The following KDM3A variants were observed in gnomAD, a reference collection of about 807,000 sequenced individuals.
KDM3A encodes lysine demethylase 3A.
Under a neutral mutation model 158.0 loss-of-function variants are expected in KDM3A, and 60 were observed. That is an observed-to-expected ratio of 0.38 (90% CI 0.31 to 0.47). The LOEUF (loss-of-function observed/expected upper bound fraction) is 0.47, where lower values mean the gene tolerates loss of function less well. Among genes scored for constraint, KDM3A ranks in the 20% least tolerant of loss-of-function variants. The pLI is 0.99. For synonymous variants in KDM3A, 608 were observed against 549.3 expected (o/e 1.11, Z -1.49); for missense variants, 1,319 against 1,574.3 (o/e 0.84, Z 2.74).
intron 2 of KDM3A, chr2:86,443,350 T>C (rs1315731394): frequency 6.6e-6 from 1 of 152,260 alleles, no homozygotes; most frequent in Non-Finnish European, 1.5e-5. Context: ...GGTGACAGTG[T>C]ATGCCCAAAC....
intron 16 of KDM3A, 25 bp from the exon 17 acceptor site, chr2:86,481,905 T>C: frequency 6.3e-7 from 1 of 1,580,576 alleles, no homozygotes; most frequent in Non-Finnish European, 8.7e-7. Context: ...TGTTTTTTCA[T>C]CTGGATGTTT....
At chr2:86,478,919 C>T in intron 15 of KDM3A, 184 bp downstream of exon 15, 1 of 568,258 alleles carries the variant, frequency 1.8e-6, no homozygotes, top group East Asian at 3.1e-5. Context: ...TGACTTTTCA[C>T]ATTACTTTCG....
In KDM3A at chr2:86,481,617, A is replaced by G. The variant is rs1204097652; in HGVS notation, c.2513-313A>G. 5.3e-5 allele frequency among the ~76,000 whole-genome samples: 8 copies of G among 152,284 alleles called. No homozygotes were observed. The East Asian group carries it at 1.5e-3, about 29-fold the overall frequency. On this transcript the variant is annotated intron_variant, in intron 16 of 25. Transcript: ENST00000312912. The stretch of plus-strand genomic sequence containing the variant: ...GTGCATTCAGGGAAAAAAAATGTGT[A>G]AAGAGAATGCTGCCAATATTTGTAG...
chr2:86,450,246 A>C (rs1672386789), intron 3 of KDM3A, among the ~76,000 whole-genome samples: 1 of 152,236 alleles, frequency 6.6e-6, no homozygotes. Context: ...TGGCCCTTGC[A>C]GTACTTTCAA....
intron 4 of KDM3A, among the ~76,000 whole-genome samples, chr2:86,454,329 A>G (rs1672597195): frequency 6.6e-6 from 1 of 152,168 alleles, no homozygotes; most frequent in Admixed American, 6.5e-5. Flanking sequence ...TAAAATTGCC[A>G]TCATGGGTGC....
chr2:86,451,012 C>A, intron 3 of KDM3A, 91 bp from the exon 4 acceptor site: 1 of 736,352 alleles, frequency 1.4e-6, no homozygotes, highest in South Asian at 2.1e-5. Context: ...GTGGCTTTAT[C>A]ACTTTCTCTG....
chr2:86,488,876 A>T (rs79969076), intron 21 of KDM3A: 1,778 of 159,810 alleles, frequency 0.011, 33 homozygotes, highest in African/African-American at 0.041. Flanking sequence ...GAACCAAGGA[A>T]TGCGTTGGGC....
At chr2:86,470,474 CT>C (rs1673354043) in intron 11 of KDM3A, 66 bp downstream of exon 11, 1 of 1,312,318 alleles carries the variant, frequency 7.6e-7, no homozygotes, top group Admixed American at 1.8e-5. Flanking sequence ...ATCTGGCATA[CT>C]TTTGTTACTC....
intron 8 of KDM3A, among the ~76,000 whole-genome samples, chr2:86,457,537 T>A (rs907833815): frequency 6.6e-6 from 1 of 152,178 alleles, no homozygotes; most frequent in Non-Finnish European, 1.5e-5. Flanking sequence ...GGAGATAATA[T>A]AAGTTTATGG....
Position 86,491,008 on chromosome 2 carries a change from T to C in KDM3A, c.3701T>C (p.Val1234Ala), listed in dbSNP as rs140420657. 67 of 1,614,072 alleles carry C rather than the reference T, an allele frequency of 4.2e-5. 1 individual carries two copies. In the Admixed American group the frequency reaches 9.5e-4, roughly 23 times the overall value. ...QEYGVQGWAI[V>A]QFLGDVVFIP... ...TATGGAGTTCAAGGCTGGGCTATTG[T>C]ACAGTTTCTTGGGGATGTGGTGTTT... is the stretch of plus-strand genomic sequence containing the variant. Residue 1234 changes from valine (V) to alanine (A), a missense_variant, in exon 24 of 26, where the codon GTA (valine) becomes GCA (alanine). Val to Ala is a moderately conservative substitution (Grantham distance 64). Coordinates refer to ENST00000312912, the MANE Select transcript of KDM3A (RefSeq NM_018433.6).
chr2:86,458,869 T>C (rs890329306), intron 8 of KDM3A, among the ~76,000 whole-genome samples: 17 of 151,938 alleles, frequency 1.1e-4, no homozygotes, highest in African/African-American at 2.4e-5. Context: ...CTGTAGATGA[T>C]GGATGAGGGA....
intron 16 of KDM3A, among the ~76,000 whole-genome samples, chr2:86,481,234 T>C (rs891694338): frequency 6.6e-6 from 1 of 152,206 alleles, no homozygotes; most frequent in African/African-American, 2.4e-5. Flanking sequence ...AGTCGTTGAA[T>C]TTTTTTAAAA....
At position 86,457,091 on chromosome 2, in the gene KDM3A, C is replaced by G; in HGVS notation, c.843+20C>G. 1 of 1,334,366 alleles carries G rather than the reference C, an allele frequency of 7.5e-7. No homozygotes were observed. Among genetic ancestry groups the G allele is most frequent in the Non-Finnish European group, 1.0e-6 (1 of 968,006 alleles). 82.7% of individuals were successfully genotyped at this position (1,334,366 alleles called of 1,614,324 possible). On this transcript the variant is annotated intron_variant, in intron 8 of 25. Transcript: ENST00000312912. ...TCTGAGGTAACCTTTATTTATGTCACTTGTGTAAAGCTTTCCTTAACTCCA... is the reference window on the plus strand; with the variant it reads ...TCTGAGGTAACCTTTATTTATGTCAGTTGTGTAAAGCTTTCCTTAACTCCA...
Position 86,466,660 on chromosome 2 carries a change from T to A in KDM3A, c.1296T>A (p.Asn432Lys). 1.2e-6 allele frequency: 2 copies of A among 1,613,944 alleles called. No homozygotes were observed. Among genetic ancestry groups the A allele is most frequent in the Non-Finnish European group, 1.7e-6 (2 of 1,179,864 alleles). The change falls in exon 10 of 26, where the codon AAT becomes AAA. Residue 432 changes from asparagine to lysine, a missense_variant. Coordinates refer to ENST00000312912, the MANE Select transcript of KDM3A (RefSeq NM_018433.6). Reference protein sequence around the residue: ...ASSKAELEIANPPELQKHLEH... With the variant: ...ASSKAELEIAKPPELQKHLEH... ...CTAAGGCAGAATTGGAAATTGCCAA[T>A]CCTCCTGAACTGCAGAAGCACCTAG... is the stretch of plus-strand genomic sequence containing the variant.
rs899419853 is a variant in KDM3A, at chr2:86,456,653, C to T, written c.681+87C>T. ...TTTATGATTTTCTAGGCACTAAATA[C>T]CTTTATTATTTTATAGGGTAGAAAT... On this transcript the variant is annotated intron_variant, in intron 6 of 25. Transcript: ENST00000312912. The T allele has an allele frequency of 3.7e-6, 5 of 1,348,476 alleles. No individual in the cohort carries two copies. In the African/African-American group the frequency reaches 4.5e-5, roughly 12 times the overall value. The allele number at this position is 1,348,476 out of a possible 1,614,324, so 83.5% of individuals were successfully genotyped here.
chr2:86,442,034 C>CA lies in KDM3A; in HGVS notation c.-13dup. 6.2e-7 allele frequency: 1 copy of CA among 1,613,158 alleles called. No homozygotes were observed. Among genetic ancestry groups the CA allele is most frequent in the Non-Finnish European group, 8.5e-7 (1 of 1,179,598 alleles). The stretch of plus-strand genomic sequence containing the variant: ...TTTTTGCAGGGAGGAGCTCTTCCTG[C>CA]AGGCGTGGAAACCATGGTGCTCACG... On this transcript the variant is annotated 5_prime_UTR_variant, in exon 2 of 26. Transcript: ENST00000312912.
chr2:86,442,694 G>T (rs1215669251), intron 2 of KDM3A: 1 of 155,760 alleles, frequency 6.4e-6, no homozygotes, highest in African/African-American at 2.4e-5. Flanking sequence ...TAAAAATGAA[G>T]TGAGTGTAGA....
At chr2:86,446,511 C>G (rs949735976) in intron 2 of KDM3A, among the ~76,000 whole-genome samples, 1 of 152,102 alleles carries the variant, frequency 6.6e-6, no homozygotes, top group Non-Finnish European at 1.5e-5. Context: ...GAGTTCAAGA[C>G]CAACCTGGCC....
At position 86,492,133 on chromosome 2, in the gene KDM3A, T is replaced by A. The variant is rs1330906484; in HGVS notation, c.*14T>A. 2 of 1,590,502 alleles carry A rather than the reference T, an allele frequency of 1.3e-6. No individual in the cohort carries two copies. Among genetic ancestry groups the A allele is most frequent in the Non-Finnish European group, 8.6e-7 (1 of 1,159,228 alleles). Reference sequence around the variant, plus strand: ...GGCAAACCTTAATCTCCCTGCACATTGGAAATGAATTACAGGCAGCTGTTC... The same window carrying A: ...GGCAAACCTTAATCTCCCTGCACATAGGAAATGAATTACAGGCAGCTGTTC... On this transcript the variant is annotated 3_prime_UTR_variant, in exon 26 of 26. Coordinates refer to ENST00000312912, the MANE Select transcript of KDM3A (RefSeq NM_018433.6).
Sources: gnomAD v4.1 joint callset for allele counts (sites outside exome capture counted in the v4.1 genomes callset) on GRCh38, gnomAD v4.1.1 for gene constraint, MANE v1.5 for transcripts, NCBI Gene and HGNC (gene_info 2026-07-23, HGNC 2026-07-21) for gene names.